Variants in HIPK1 observed in about 807,000 individuals in gnomAD.
HIPK1 encodes homeodomain interacting protein kinase 1.
A neutral mutation model predicts 117.1 loss-of-function variants in HIPK1; 28 were observed. That is an observed-to-expected ratio of 0.24 (90% CI 0.18 to 0.33). The LOEUF (loss-of-function observed/expected upper bound fraction) is 0.33, where lower values mean the gene tolerates loss of function less well. Among genes scored for constraint, HIPK1 ranks in the 10% least tolerant of loss-of-function variants. The pLI is 1.00. For missense variants in HIPK1, 1,122 were observed against 1,475.1 expected, an observed-to-expected ratio of 0.76 and a Z score of 3.92; for synonymous variants, 605 against 562.5, an observed-to-expected ratio of 1.08 and a Z score of -1.07.
intron 2 of HIPK1, among the ~76,000 whole-genome samples, chr1:113,947,175 G>A (rs1671039659): frequency 6.6e-6 from 1 of 152,146 alleles, no homozygotes; most frequent in Non-Finnish European, 1.5e-5. Flanking sequence ...CCCTGGGCAT[G>A]GCTAAATGAT....
At chr1:113,952,947 C>T in intron 3 of HIPK1, 58 bp downstream of exon 3, 1 of 1,393,504 alleles carries the variant, frequency 7.2e-7, no homozygotes, top group Non-Finnish European at 9.4e-7. Flanking sequence ...GAATTAGATT[C>T]TGGAGAAAGA....
chr1:113,944,159 GTTT>G (rs140161727), intron 2 of HIPK1, among the ~76,000 whole-genome samples: 4 of 55,218 alleles, frequency 7.2e-5, no homozygotes, highest in Non-Finnish European at 9.4e-5. Context: ...ATAGCCATGG[GTTT>G]TTTTTTTTTT....
chr1:113,963,317 G>T lies in HIPK1; in HGVS notation c.2104-70G>T, dbSNP rs890305054. 18 of 1,553,488 alleles carry T rather than the reference G, an allele frequency of 1.2e-5. No homozygotes were observed. The African/African-American group carries it at 2.3e-4, about 20-fold the overall frequency. ...TTGTCAGTAATAACTTGGGGGGAAT[G>T]AGAACCCTTCTGAATCCAGATATCC... On this transcript the variant is annotated intron_variant, in intron 9 of 15. Transcript: ENST00000426820.
chr1:113,958,031 A>G lies in HIPK1; in HGVS notation c.1756-35A>G. 7.8e-6 allele frequency: 11 copies of G among 1,415,616 alleles called. 1 individual carries two copies. The South Asian group carries it at 1.3e-4, about 16-fold the overall frequency. The allele number at this position is 1,415,616 out of a possible 1,614,324, so 87.7% of individuals were successfully genotyped here. ...TAAAATTATTGTGTGTCTCTACTTA[A>G]TACAAGTGTACAAATATAATCCTTT... On this transcript the variant is annotated intron_variant, in intron 7 of 15. Transcript: ENST00000426820.
At chr1:113,936,886 A>C (rs1410905612) in intron 1 of HIPK1, among the ~76,000 whole-genome samples, 1 of 152,210 alleles carries the variant, frequency 6.6e-6, no homozygotes, top group Non-Finnish European at 1.5e-5. Context: ...GTTTTTTGAT[A>C]GATTGTTAAA....
At chr1:113,961,999 AT>A (rs758920245) in intron 8 of HIPK1, among the ~76,000 whole-genome samples, 2 of 150,218 alleles carry the variant, frequency 1.3e-5, no homozygotes, top group East Asian at 3.9e-4. Context: ...CTAAGTGAAG[AT>A]TTTTTTGTTT....
chr1:113,956,588 G>C (rs1471318398), intron 5 of HIPK1, 39 bp from the exon 6 acceptor site: 2 of 1,518,434 alleles, frequency 1.3e-6, no homozygotes, highest in East Asian at 4.5e-5. Context: ...AGTGCCAAAG[G>C]TTAAGTGAAG....
At chr1:113,944,609 G>A (rs1270710488) in intron 2 of HIPK1, among the ~76,000 whole-genome samples, 2 of 150,984 alleles carry the variant, frequency 1.3e-5, no homozygotes, top group Non-Finnish European at 2.9e-5. Context: ...TTGGCCTCCT[G>A]AGTAGCTGGG....
intron 8 of HIPK1, among the ~76,000 whole-genome samples, chr1:113,959,592 C>T (rs1346235126): frequency 6.6e-6 from 1 of 152,130 alleles, no homozygotes; most frequent in Non-Finnish European, 1.5e-5. Flanking sequence ...TGCTGCTTCT[C>T]AGATGATACA....
chr1:113,964,183 T>A (rs1672308056), intron 10 of HIPK1, among the ~76,000 whole-genome samples: 1 of 152,218 alleles, frequency 6.6e-6, no homozygotes. Context: ...GTAGGTCATA[T>A]TGTTGGTTGA....
chr1:113,964,045 A>G (rs569193585), intron 10 of HIPK1, among the ~76,000 whole-genome samples: 2 of 152,270 alleles, frequency 1.3e-5, no homozygotes, highest in South Asian at 2.1e-4. Context: ...CTCTTAATTT[A>G]TTGCTTTCTC....
At chr1:113,966,920 C>T (rs1383003645) in intron 11 of HIPK1, among the ~76,000 whole-genome samples, 1 of 151,628 alleles carries the variant, frequency 6.6e-6, no homozygotes, top group Non-Finnish European at 1.5e-5. Flanking sequence ...GGTAACCATC[C>T]TACTCTCTAT....
intron 8 of HIPK1, among the ~76,000 whole-genome samples, chr1:113,959,870 A>G (rs1402923005): frequency 6.6e-6 from 1 of 152,190 alleles, no homozygotes; most frequent in Non-Finnish European, 1.5e-5. Flanking sequence ...TTTTACATGT[A>G]TTAATTTATC....
chr1:113,953,024 CTT>C, intron 3 of HIPK1, 135 bp downstream of exon 3: 1 of 738,594 alleles, frequency 1.4e-6, no homozygotes, highest in Non-Finnish European at 1.9e-6. Flanking sequence ...TACTAAAGAA[CTT>C]TTTAAAGAAT....
At chr1:113,972,134 G>A (rs928689494) in intron 15 of HIPK1, 180 bp downstream of exon 15, 2 of 1,524,816 alleles carry the variant, frequency 1.3e-6, no homozygotes, top group African/African-American at 1.4e-5. Flanking sequence ...CACTCTGTAA[G>A]TGTGTTCAGG....
Position 113,940,844 on chromosome 1 carries a change from G to T in HIPK1, c.461G>T (p.Gly154Val). ...ATGCTGCAAAACAGGACTGTGGTGG[G>T]TGCTGCTGCCACAACCACCACTGTG... ...PLMLQNRTVV[G>V]AAATTTTVTT... Residue 154 changes from glycine to valine, a missense_variant, in exon 2 of 16, where the codon GGT becomes GTT. Physicochemically the swap from Gly to Val is moderately radical, Grantham distance 109. Transcript: ENST00000426820. 6.2e-7 allele frequency: 1 copy of T among 1,614,116 alleles called. No individual in the cohort carries two copies. The highest frequency in any genetic ancestry group is 8.5e-7 in the Non-Finnish European group (1 of 1,180,040).
intron 1 of HIPK1, among the ~76,000 whole-genome samples, chr1:113,931,433 A>C (rs1287230152): frequency 6.6e-6 from 1 of 152,080 alleles, no homozygotes; most frequent in African/African-American, 2.4e-5. Flanking sequence ...TGCGGTTGGA[A>C]CTGGAGGCAG....
At chr1:113,955,012 T>G (rs1426478071) in intron 4 of HIPK1, among the ~76,000 whole-genome samples, 8 of 152,230 alleles carry the variant, frequency 5.3e-5, no homozygotes, top group Non-Finnish European at 7.3e-5. Context: ...GATAGAAAGT[T>G]TGGAGGGTAG....
intron 2 of HIPK1, chr1:113,951,371 C>A: frequency 1.4e-6 from 1 of 693,336 alleles, no homozygotes. Context: ...GGATTCAAAT[C>A]CTAGCTCTGC....
Sources: allele counts gnomAD v4.1 joint callset (sites outside exome capture counted in the v4.1 genomes callset), GRCh38; gene constraint gnomAD v4.1.1; transcripts MANE v1.5; gene names NCBI Gene and HGNC (gene_info 2026-07-23, HGNC 2026-07-21).